UBR1: variants seen among roughly 807,000 people sequenced by gnomAD.
The protein encoded by UBR1 is ubiquitin protein ligase E3 component n-recognin 1, also known as E3 ubiquitin-protein ligase UBR1.
In UBR1, 102 loss-of-function variants were observed where a neutral mutation model predicts 242.1. The ratio of observed to expected loss-of-function variants is 0.42; its 90% CI spans 0.36 to 0.50. UBR1 has a LOEUF of 0.50. Ranked by LOEUF, UBR1 falls within the 20% of genes least tolerant of loss-of-function variation. The pLI is 0.01. For synonymous variants in UBR1, 675 were observed against 684.8 expected, an observed-to-expected ratio of 0.99 and a Z score of 0.22; for missense variants, 1,772 against 2,101.8, an observed-to-expected ratio of 0.84 and a Z score of 3.07.
At chr15:43,090,368 C>T (rs1052293190) in intron 1 of UBR1, among the ~76,000 whole-genome samples, 1 of 151,928 alleles carries the variant, frequency 6.6e-6, no homozygotes, top group Non-Finnish European at 1.5e-5. Context: ...CTCTGCTTAT[C>T]GAATGAGTAA....
chr15:43,036,373 A>C, intron 18 of UBR1, 94 bp from the exon 19 acceptor site: 1 of 1,273,454 alleles, frequency 7.9e-7, no homozygotes, highest in South Asian at 1.2e-5. Flanking sequence ...AGTTTGCAGA[A>C]GATAATGTAG....
In UBR1 at chr15:43,007,241, T is replaced by G. The variant is rs1294326600; in HGVS notation, c.3253A>C (p.Lys1085Gln). ...SDYSRIALGPKRGPSVTEKEV... is the reference protein window; with the variant it reads ...SDYSRIALGPQRGPSVTEKEV... ...TTTTCAGTAACAGATGGACCCCGTT[T>G]AGGACCCAAAGCAATTCTAGAGTAG... The change falls in exon 30 of 47, where the codon AAA (lysine) becomes CAA (glutamine). Residue 1085 changes from lysine (K) to glutamine (Q), a missense_variant. Lys to Gln is a moderately conservative substitution (Grantham distance 53). Transcript: ENST00000290650. 6.2e-7 allele frequency: 1 copy of G among 1,614,134 alleles called. No homozygotes were observed. The highest frequency in any genetic ancestry group is 2.2e-5 in the East Asian group (1 of 44,876).
Position 42,945,380 on chromosome 15 carries a change from C to T in UBR1, c.5199G>A (p.Arg1733=). The T allele has an allele frequency of 6.2e-7, 1 of 1,614,172 alleles. No individual in the cohort carries two copies. Among genetic ancestry groups the T allele is most frequent in the Non-Finnish European group, 8.5e-7 (1 of 1,180,040 alleles). The part of the protein sequence containing the change: ...QQHCIIEEIA[R]SQETNQMLFG... ...ATAACATCTGATTAGTCTCTTGGCT[C>T]CTAGCAATCTCTTCTATAATGCAGT... The change falls in exon 47 of 47, where the codon AGG becomes AGA. Residue 1733 remains arginine, a synonymous_variant. Coordinates refer to ENST00000290650, the MANE Select transcript of UBR1 (RefSeq NM_174916.3).
intron 38 of UBR1, among the ~76,000 whole-genome samples, chr15:42,977,467 G>A (rs1453709513): frequency 2.6e-5 from 4 of 152,138 alleles, no homozygotes; most frequent in Non-Finnish European, 5.9e-5. Flanking sequence ...CCATCCATAG[G>A]TGTTTTGAGG....
chr15:43,011,798 A>T, intron 29 of UBR1: 1 of 356,818 alleles, frequency 2.8e-6, no homozygotes. Flanking sequence ...CCACAAGGAG[A>T]CACATACAAA....
At chr15:43,080,401 T>C (rs1226213556) in intron 3 of UBR1, among the ~76,000 whole-genome samples, 1 of 152,228 alleles carries the variant, frequency 6.6e-6, no homozygotes, top group African/African-American at 2.4e-5. Context: ...CCACTGATTT[T>C]TTTATTGCCT....
chr15:42,945,141 C>T lies in UBR1; in HGVS notation c.*188G>A. 2 of 700,570 alleles carry T rather than the reference C, an allele frequency of 2.9e-6. No homozygotes were observed. Among genetic ancestry groups the T allele is most frequent in the South Asian group, 1.8e-5 (1 of 54,736 alleles). The allele number at this position is 700,570 out of a possible 1,614,324, so 43.4% of individuals were successfully genotyped here. On this transcript the variant is annotated 3_prime_UTR_variant, in exon 47 of 47. Coordinates refer to ENST00000290650, the MANE Select transcript of UBR1 (RefSeq NM_174916.3). ...AACAGATTGATCTATGTCCTTTTTTCCTGTGAAGCATATGTTTGCTAATTG... is the reference window on the plus strand; with the variant it reads ...AACAGATTGATCTATGTCCTTTTTTTCTGTGAAGCATATGTTTGCTAATTG...
chr15:43,014,865 C>T (rs1271896977), intron 29 of UBR1, among the ~76,000 whole-genome samples: 25 of 150,820 alleles, frequency 1.7e-4, no homozygotes, highest in African/African-American at 5.6e-4. Context: ...CCAGCCGCCC[C>T]GTCCCAGAGG....
chr15:42,960,127 G>A (rs1227220114), intron 43 of UBR1, among the ~76,000 whole-genome samples: 1 of 152,150 alleles, frequency 6.6e-6, no homozygotes, highest in African/African-American at 2.4e-5. Context: ...GCTTCATGGA[G>A]GAGGTGGCAT....
intron 29 of UBR1, chr15:43,011,990 G>A (rs926070916): frequency 5.3e-5 from 23 of 437,116 alleles, no homozygotes; most frequent in African/African-American, 2.6e-4. Context: ...GCTTTGGGAG[G>A]CCGAGGTGGG....
intron 36 of UBR1, 97 bp downstream of exon 36, chr15:42,984,790 C>A: frequency 8.7e-7 from 1 of 1,147,172 alleles, no homozygotes; most frequent in South Asian, 1.3e-5. Context: ...CTAATTTTTA[C>A]AGAAAATGAG....
chr15:42,955,656 A>G (rs543219517), intron 44 of UBR1, among the ~76,000 whole-genome samples: 27 of 152,192 alleles, frequency 1.8e-4, no homozygotes, highest in Non-Finnish European at 3.5e-4. Flanking sequence ...TATTTTCAAG[A>G]CATAATGCAT....
intron 39 of UBR1, among the ~76,000 whole-genome samples, chr15:42,975,648 C>T (rs1464693368): frequency 6.6e-6 from 1 of 151,834 alleles, no homozygotes; most frequent in Non-Finnish European, 1.5e-5. Context: ...TTCAGAAGCC[C>T]TTATTGGTCA....
At chr15:43,015,393 T>C (rs1051463261) in intron 29 of UBR1, among the ~76,000 whole-genome samples, 7 of 152,074 alleles carry the variant, frequency 4.6e-5, no homozygotes, top group African/African-American at 1.7e-4. Context: ...CAGGGTTAAA[T>C]GGATTAAGGG....
chr15:43,027,676 G>A (rs1020299101), intron 22 of UBR1, 100 bp downstream of exon 22: 20 of 1,058,172 alleles, frequency 1.9e-5, no homozygotes, highest in Non-Finnish European at 2.6e-5. Context: ...CTTATTCTTG[G>A]GAGTTCAGGC....
At chr15:43,052,846 G>A (rs1596120761) in intron 12 of UBR1, among the ~76,000 whole-genome samples, 1 of 152,140 alleles carries the variant, frequency 6.6e-6, no homozygotes, top group East Asian at 1.9e-4. Context: ...TATCCTGTGA[G>A]GCTACATGAC....
chr15:43,088,751 G>A (rs551751910), intron 1 of UBR1, among the ~76,000 whole-genome samples: 1 of 151,966 alleles, frequency 6.6e-6, no homozygotes, highest in Non-Finnish European at 1.5e-5. Context: ...GAAGGAGCTG[G>A]GGAAAAGAAT....
At chr15:42,981,993 T>C (rs2032386320) in intron 37 of UBR1, among the ~76,000 whole-genome samples, 3 of 152,234 alleles carry the variant, frequency 2.0e-5, no homozygotes, top group African/African-American at 4.8e-5. Flanking sequence ...TTAGAGATTA[T>C]ACACCATCAT....
At chr15:43,049,390 C>T (rs898312924) in intron 12 of UBR1, among the ~76,000 whole-genome samples, 1 of 152,078 alleles carries the variant, frequency 6.6e-6, no homozygotes, top group East Asian at 1.9e-4. Context: ...AGTGAAACCC[C>T]GTCTCTACTA....
Sources: allele counts gnomAD v4.1 joint callset (sites outside exome capture counted in the v4.1 genomes callset), GRCh38; gene constraint gnomAD v4.1.1; transcripts MANE v1.5; gene names NCBI Gene and HGNC (gene_info 2026-07-23, HGNC 2026-07-21).